The following WDR49 variants were observed in gnomAD, a reference collection of about 807,000 sequenced individuals.
WDR49 encodes the protein WD repeat domain 49.
A neutral mutation model predicts 119.5 loss-of-function variants in WDR49; 107 were observed. That is an observed-to-expected ratio of 0.90 (90% confidence interval 0.77 to 1.05). The LOEUF (loss-of-function observed/expected upper bound fraction) is 1.05, where lower values mean the gene tolerates loss of function less well. Ranked by LOEUF, WDR49 falls within the 50% of genes least tolerant of loss-of-function variation. The pLI, the probability that WDR49 is intolerant of heterozygous loss-of-function variation, is 0.00. For missense variants in WDR49, 1,240 were observed against 1,220.5 expected (o/e 1.02, Z -0.24); for synonymous variants, 425 against 418.8 (o/e 1.01, Z -0.18).
intron 2 of WDR49, among the ~76,000 whole-genome samples, chr3:167,652,247 A>T (rs1718421954): frequency 6.6e-6 from 1 of 152,208 alleles, no homozygotes; most frequent in African/African-American, 2.4e-5. Flanking sequence ...TTGGGACATT[A>T]ATTTATCAAT....
Position 167,531,279 on chromosome 3 carries a change from T to A in WDR49, c.2054A>T (p.Asp685Val). Residue 685 changes from aspartate (D) to valine (V), a missense_variant and splice_region_variant, in exon 13 of 19, where the codon GAT (aspartate) becomes GTT (valine). Asp to Val is a radical substitution (Grantham distance 152, BLOSUM62 -3). Coordinates refer to ENST00000682715, the MANE Select transcript of WDR49 (RefSeq NM_001366157.1). Reference sequence around the variant, plus strand: ...ACTGAGAAGTTTTTGAGGTTTTGTATCTGTGAGGGAGACAAAGCCAAGTAT... The same window carrying A: ...ACTGAGAAGTTTTTGAGGTTTTGTAACTGTGAGGGAGACAAAGCCAAGTAT... ...DYQRLLKSKLDTKPQKLLSAG... is the reference protein window; with the variant it reads ...DYQRLLKSKLVTKPQKLLSAG... 4 of 1,610,840 alleles carry A rather than the reference T, an allele frequency of 2.5e-6. No homozygotes were observed. The highest frequency in any genetic ancestry group is 1.1e-5 in the South Asian group (1 of 90,834).
chr3:167,563,353 CAAA>C lies in WDR49; in HGVS notation c.1510-3128_1510-3126del, dbSNP rs61247447. On this transcript the variant is annotated intron_variant, in intron 8 of 18. Transcript: ENST00000682715. ...TGGGCTACAGAGCGAGATTCTGAAT[CAAA>C]AAAAAAAAAAAAAAAAAAAAAGAAA... Among the ~76,000 whole-genome samples, 20 of 55,892 alleles carry C rather than the reference CAAA, an allele frequency of 3.6e-4. No individual in the cohort carries two copies. The South Asian group carries it at 8.8e-3, about 25-fold the overall frequency. The allele number at this position is 55,892 out of a possible 152,430, so 36.7% of individuals were successfully genotyped here. A position where few individuals can be genotyped will look rare whatever the true frequency, so the allele number is the denominator to read the frequency against.
chr3:167,544,680 C>T (rs1712060023), intron 10 of WDR49, among the ~76,000 whole-genome samples: 1 of 151,986 alleles, frequency 6.6e-6, no homozygotes, highest in African/African-American at 2.4e-5. Context: ...TTAACTTACA[C>T]AAAAATCAAT....
intron 16 of WDR49, among the ~76,000 whole-genome samples, chr3:167,512,093 C>T (rs910941390): frequency 2.6e-5 from 4 of 152,168 alleles, no homozygotes; most frequent in Admixed American, 2.6e-4. Context: ...ACACCCATTC[C>T]ACCAAGGGAC....
At chr3:167,620,711 T>C (rs1323033107) in intron 4 of WDR49, 108 bp from the exon 5 acceptor site, 1 of 1,078,774 alleles carries the variant, frequency 9.3e-7, no homozygotes, top group African/African-American at 1.6e-5. Context: ...TAATAAGAAT[T>C]TCTTCAATAT....
chr3:167,591,898 A>G (rs1285343646), intron 7 of WDR49, among the ~76,000 whole-genome samples: 2 of 152,048 alleles, frequency 1.3e-5, no homozygotes, highest in Middle Eastern at 3.2e-3. Context: ...ATTCAATGCT[A>G]TTATTGACAA....
At chr3:167,609,519 G>C (rs1716240211) in intron 5 of WDR49, among the ~76,000 whole-genome samples, 1 of 152,144 alleles carries the variant, frequency 6.6e-6, no homozygotes, top group African/African-American at 2.4e-5. Flanking sequence ...GAATCGCCCA[G>C]CCCAGAGGTC....
In WDR49 at chr3:167,536,960, A is replaced by G; in HGVS notation, c.1864T>C (p.Phe622Leu). The G allele has an allele frequency of 6.3e-7, 1 of 1,591,470 alleles. No individual in the cohort carries two copies. Among genetic ancestry groups the G allele is most frequent in the South Asian group, 1.1e-5 (1 of 87,168 alleles). The change falls in exon 11 of 19, where the codon TTC becomes CTC. Residue 622 changes from phenylalanine to leucine, a missense_variant. Physicochemically the swap from Phe to Leu is conservative, Grantham distance 22 (BLOSUM62 0). Transcript: ENST00000682715. ...VFRPQNFNQF[F>L]IQPEEWKGGI... The stretch of plus-strand genomic sequence containing the variant: ...CCTTTCCATTCTTCAGGCTGGATGA[A>G]AAATTGATTGAAGTTTTGGGGTCGA...
intron 10 of WDR49, among the ~76,000 whole-genome samples, chr3:167,545,675 G>C (rs1310466697): frequency 6.7e-6 from 1 of 149,986 alleles, no homozygotes; most frequent in Non-Finnish European, 1.5e-5. Context: ...GGATACAAAG[G>C]CATGAGAATG....
chr3:167,541,623 AAC>A (rs1455277585), intron 10 of WDR49, among the ~76,000 whole-genome samples: 3 of 152,142 alleles, frequency 2.0e-5, no homozygotes, highest in African/African-American at 7.2e-5. Flanking sequence ...ATGAAACAAT[AAC>A]ACAGTGGAAA....
intron 11 of WDR49, among the ~76,000 whole-genome samples, chr3:167,536,083 A>T (rs1577224126): frequency 6.6e-6 from 1 of 152,058 alleles, no homozygotes; most frequent in Non-Finnish European, 1.5e-5. Flanking sequence ...TGGGGAGGGG[A>T]GACAGGAGGG....
rs1471792048 is a variant in WDR49 at position 167,578,036 on chromosome 3, C to T, written c.1276-1885G>A. Among the ~76,000 whole-genome samples the T allele has an allele frequency of 3.9e-5, 6 of 152,062 alleles. No individual in the cohort carries two copies. The East Asian group carries it at 1.2e-3, about 29-fold the overall frequency. ...ACAGTAATTATTAAATATATTCAGC[C>T]AAAGAAATCTTCTTCTACCTTTTCA... On this transcript the variant is annotated intron_variant, in intron 7 of 18. Coordinates refer to ENST00000682715, the MANE Select transcript of WDR49 (RefSeq NM_001366157.1).
At chr3:167,509,133 T>C (rs1168339669) in intron 16 of WDR49, among the ~76,000 whole-genome samples, 1 of 152,226 alleles carries the variant, frequency 6.6e-6, no homozygotes, top group East Asian at 1.9e-4. Context: ...TTGTTTCTAA[T>C]AATGAATCCC....
chr3:167,541,638 C>A (rs1711841555), intron 10 of WDR49, among the ~76,000 whole-genome samples: 1 of 151,818 alleles, frequency 6.6e-6, no homozygotes, highest in African/African-American at 2.4e-5. Flanking sequence ...AGTGGAAAAA[C>A]AACAACAACA....
At chr3:167,559,003 C>T (rs1186244979) in intron 9 of WDR49, among the ~76,000 whole-genome samples, 2 of 152,178 alleles carry the variant, frequency 1.3e-5, no homozygotes, top group African/African-American at 4.8e-5. Context: ...CTCCTGTAAA[C>T]TAGATTACTT....
intron 16 of WDR49, among the ~76,000 whole-genome samples, chr3:167,510,828 A>G (rs986204030): frequency 1.3e-5 from 2 of 150,804 alleles, no homozygotes; most frequent in African/African-American, 4.9e-5. Flanking sequence ...ATTTTCCTTC[A>G]TCTTTCTTCC....
chr3:167,632,156 C>T (rs568401048), intron 2 of WDR49, among the ~76,000 whole-genome samples: 107 of 152,120 alleles, frequency 7.0e-4, no homozygotes, highest in African/African-American at 2.3e-3. Context: ...CTTAGATTGT[C>T]TCGTCAATAA....
At chr3:167,563,573 T>C (rs1357831702) in intron 8 of WDR49, among the ~76,000 whole-genome samples, 1 of 152,186 alleles carries the variant, frequency 6.6e-6, no homozygotes, top group African/African-American at 2.4e-5. Context: ...ATTATTTCTA[T>C]TAAAAAACAT....
At chr3:167,575,022 C>A (rs1032453558) in intron 8 of WDR49, 2 of 983,618 alleles carry the variant, frequency 2.0e-6, no homozygotes, top group South Asian at 9.4e-5. Flanking sequence ...CCACCCCTTG[C>A]GCAAAATCTC....
Sources: gnomAD v4.1 joint callset for allele counts (sites outside exome capture counted in the v4.1 genomes callset) on GRCh38, gnomAD v4.1.1 for gene constraint, MANE v1.5 for transcripts, NCBI Gene and HGNC (gene_info 2026-07-23, HGNC 2026-07-21) for gene names.